MTAP: variants seen among roughly 807,000 people sequenced by gnomAD.
MTAP encodes S-methyl-5'-thioadenosine phosphorylase.
Under a neutral mutation model 33.6 loss-of-function variants are expected in MTAP, and 33 were observed. That is an observed-to-expected ratio of 0.98 (90% CI 0.74 to 1.31). The LOEUF (loss-of-function observed/expected upper bound fraction) is 1.31. Among genes scored for constraint, MTAP ranks in the 40% most tolerant of loss-of-function variants. The probability of loss-of-function intolerance (pLI) is 0.00; values close to 1 mark genes in which losing one functional copy is unlikely to be tolerated. For missense variants in MTAP, 367 were observed against 360.0 expected (o/e 1.02, Z -0.16); for synonymous variants, 148 against 125.7 (o/e 1.18, Z -1.19).
At chr9:21,931,571 C>CA (rs1441999155), downstream of MTAP, 2 of 175,734 alleles carry the variant, frequency 1.1e-5, no homozygotes, top group Non-Finnish European at 2.4e-5. Context: ...CACTAAGAGG[C>CA]AAAATCGTGG....
chr9:21,819,945 A>G (rs1824588375), intron 4 of MTAP, among the ~76,000 whole-genome samples: 1 of 152,290 alleles, frequency 6.6e-6, no homozygotes, highest in African/African-American at 2.4e-5. Flanking sequence ...TCTTCTATTG[A>G]GAAGTGTCTG....
Position 21,826,152 on chromosome 9 carries a change from C to A in MTAP, c.347+7950C>A, listed in dbSNP as rs531235386. ...CAAAAGAATAATAATCAGGGACTCT[C>A]TAAGTTCCTAATTCCTAGCTTCAAG... On this transcript the variant is annotated intron_variant, in intron 4 of 7. Coordinates refer to ENST00000644715, the MANE Select transcript of MTAP (RefSeq NM_002451.4). Among the ~76,000 whole-genome samples, 16 of 148,524 alleles carry A rather than the reference C, an allele frequency of 1.1e-4. No individual in the cohort carries two copies. In the South Asian group the frequency reaches 3.2e-3, roughly 30 times the overall value.
intron 4 of MTAP, 80 bp downstream of exon 4, chr9:21,818,282 G>T: frequency 7.9e-7 from 1 of 1,262,244 alleles, no homozygotes; most frequent in East Asian, 2.7e-5. Flanking sequence ...GGAACCGGCA[G>T]GGCAACTGGG....
Position 21,865,472 on chromosome 9 carries a change from C to G in MTAP, c.*3458C>G. 1 of 985,484 alleles carries G rather than the reference C, an allele frequency of 1.0e-6. No individual in the cohort carries two copies. Among genetic ancestry groups the G allele is most frequent in the Non-Finnish European group, 1.2e-6 (1 of 829,948 alleles). 61.0% of individuals were successfully genotyped at this position (985,484 alleles called of 1,614,324 possible). A position where few individuals can be genotyped will look rare whatever the true frequency, so the allele number is the denominator to read the frequency against. On this transcript the variant is annotated 3_prime_UTR_variant, in exon 8 of 8. Transcript: ENST00000644715. The stretch of plus-strand genomic sequence containing the variant: ...TCAAATGTTTTGAAGATTGTTGCAC[C>G]TTGGAACTACCAGTGTGCACACAAT...
chr9:21,822,320 G>T (rs1461820602), intron 4 of MTAP, among the ~76,000 whole-genome samples: 3 of 152,072 alleles, frequency 2.0e-5, no homozygotes, highest in Admixed American at 2.0e-4. Flanking sequence ...AGAGATTCTG[G>T]TATGTTGTGT....
Position 21,802,879 on chromosome 9 carries a change from C to T in MTAP, c.33+98C>T, listed in dbSNP as rs771735380. 37 of 1,523,620 alleles carry T rather than the reference C, an allele frequency of 2.4e-5. No individual in the cohort carries two copies. The South Asian group carries it at 3.7e-4, about 15-fold the overall frequency. The allele number at this position is 1,523,620 out of a possible 1,614,324, so 94.4% of individuals were successfully genotyped here. A position where few individuals can be genotyped will look rare whatever the true frequency, so the allele number is the denominator to read the frequency against. ...GCCTCCGGGGGCCATGCGCCCGGCC[C>T]GTGCGTCCCTTGCCGCCGCGGGGAG... On this transcript the variant is annotated intron_variant, in intron 1 of 7. Coordinates refer to ENST00000644715, the MANE Select transcript of MTAP (RefSeq NM_002451.4).
chr9:21,939,409 T>C (rs931558354), downstream of MTAP, among the ~76,000 whole-genome samples: 14 of 152,354 alleles, frequency 9.2e-5, no homozygotes, highest in Admixed American at 5.2e-4. Flanking sequence ...TTTCTTTCCT[T>C]AAGCTATCTA....
chr9:21,819,808 T>C (rs1824584124), intron 4 of MTAP, among the ~76,000 whole-genome samples: 1 of 152,204 alleles, frequency 6.6e-6, no homozygotes, highest in African/African-American at 2.4e-5. Flanking sequence ...ACCTGTTGTT[T>C]CCTGACATTT....
chr9:21,867,263 C>T (rs889123580), downstream of MTAP, among the ~76,000 whole-genome samples: 6 of 152,152 alleles, frequency 3.9e-5, no homozygotes, highest in African/African-American at 9.6e-5. Flanking sequence ...TTATTCTCAA[C>T]AGCAGAGGAT....
chr9:21,834,754 A>G (rs1033852062), intron 4 of MTAP, among the ~76,000 whole-genome samples: 1 of 152,220 alleles, frequency 6.6e-6, no homozygotes, highest in Non-Finnish European at 1.5e-5. Context: ...TAGCAACCTT[A>G]ATTCCATTTG....
At chr9:21,842,947 C>A (rs954149415) in intron 5 of MTAP, among the ~76,000 whole-genome samples, 1 of 152,112 alleles carries the variant, frequency 6.6e-6, no homozygotes, top group African/African-American at 2.4e-5. Flanking sequence ...CCTAAATGCC[C>A]CACTTAAGAA....
In MTAP at chr9:21,862,317, G is replaced by T. The variant is rs140440868; in HGVS notation, c.*303G>T. 8.8e-5 allele frequency: 32 copies of T among 361,646 alleles called. No homozygotes were observed. The East Asian group carries it at 2.3e-3, about 27-fold the overall frequency. 22.4% of individuals were successfully genotyped at this position (361,646 alleles called of 1,614,324 possible). ...CCTATTAAATTTGCAACAATAAAGG[G>T]TGGAGGGTAATCTCTACTTTCCTAT... On this transcript the variant is annotated 3_prime_UTR_variant, in exon 8 of 8. Transcript: ENST00000644715.
chr9:21,910,707 A>G (rs1818561779), intron 1 of MTAP, among the ~76,000 whole-genome samples: 1 of 152,168 alleles, frequency 6.6e-6, no homozygotes, highest in South Asian at 2.1e-4. Flanking sequence ...TAATTCACAT[A>G]TCATAAAGTT....
Position 21,883,152 on chromosome 9 carries a change from G to A in MTAP, c.147+28282G>A, listed in dbSNP as rs185684501. ...AAAAAAAAACAAAAACTGGTGTCCAGAATATCCAAAAACACCCTAACAAAT... is the reference window on the plus strand; with the variant it reads ...AAAAAAAAACAAAAACTGGTGTCCAAAATATCCAAAAACACCCTAACAAAT... On this transcript the variant is annotated intron_variant, in intron 1 of 1. Coordinates refer to the MTAP transcript ENST00000577563. 1.5e-4 allele frequency among the ~76,000 whole-genome samples: 22 copies of A among 150,958 alleles called. No homozygotes were observed. In the East Asian group the frequency reaches 3.9e-3, roughly 27 times the overall value.
At chr9:21,869,487 G>T (rs973698533), downstream of MTAP, among the ~76,000 whole-genome samples, 16 of 151,870 alleles carry the variant, frequency 1.1e-4, no homozygotes, top group African/African-American at 3.9e-4. Context: ...CTGATTTCTT[G>T]CCTTCTCCCT....
chr9:21,820,620 G>A (rs1179049928), intron 4 of MTAP, among the ~76,000 whole-genome samples: 1 of 151,558 alleles, frequency 6.6e-6, no homozygotes, highest in African/African-American at 2.4e-5. Context: ...TCTTGGCAAT[G>A]TTCATGGTTC....
At chr9:21,822,723 A>G (rs946230603) in intron 4 of MTAP, among the ~76,000 whole-genome samples, 14 of 152,162 alleles carry the variant, frequency 9.2e-5, no homozygotes, top group Non-Finnish European at 1.9e-4. Context: ...TAATGTTGAC[A>G]GTGGGGTGTT....
At position 21,823,702 on chromosome 9, in the gene MTAP, A is replaced by G. The variant is rs559912469; in HGVS notation, c.347+5500A>G. Among the ~76,000 whole-genome samples the G allele has an allele frequency of 4.1e-4, 63 of 152,244 alleles. 1 individual carries two copies. In the South Asian group the frequency reaches 0.012, roughly 30 times the overall value. On this transcript the variant is annotated intron_variant, in intron 4 of 7. Coordinates refer to ENST00000644715, the MANE Select transcript of MTAP (RefSeq NM_002451.4). ...AGTTCTCCTGGATAATATCCTGCAG[A>G]CTGTTTTCCAACTTGGTTCCATTCT...
intron 1 of MTAP, among the ~76,000 whole-genome samples, chr9:21,882,749 A>G (rs1314961910): frequency 1.3e-5 from 2 of 152,068 alleles, no homozygotes; most frequent in Non-Finnish European, 2.9e-5. Context: ...GTCTCAATAA[A>G]TTTTAAAGTA....
Sources: allele counts gnomAD v4.1 joint callset (sites outside exome capture counted in the v4.1 genomes callset), GRCh38; gene constraint gnomAD v4.1.1; transcripts MANE v1.5; gene names NCBI Gene and HGNC (gene_info 2026-07-23, HGNC 2026-07-21).